MAGI1: variants seen among roughly 807,000 people sequenced by gnomAD.
The protein encoded by MAGI1 is membrane associated guanylate kinase, WW and PDZ domain containing 1, also known as membrane-associated guanylate kinase, WW and PDZ domain-containing protein 1.
A neutral mutation model predicts 139.9 loss-of-function variants in MAGI1; 58 were observed. That is an observed-to-expected ratio of 0.41 (90% confidence interval 0.34 to 0.52). MAGI1 has a LOEUF of 0.52. Ranked by LOEUF, MAGI1 falls within the 20% of genes least tolerant of loss-of-function variation. MAGI1 has a pLI of 0.12. For missense variants in MAGI1, 1,874 were observed against 1,901.6 expected (o/e 0.99, Z 0.27); for synonymous variants, 812 against 737.9 (o/e 1.10, Z -1.63).
At chr3:65,940,233 A>C (rs952535268) in intron 1 of MAGI1, among the ~76,000 whole-genome samples, 5 of 152,208 alleles carry the variant, frequency 3.3e-5, no homozygotes, top group African/African-American at 1.2e-4. Flanking sequence ...ATGGCTGCTC[A>C]AAGAATTTAC....
intron 2 of MAGI1, among the ~76,000 whole-genome samples, chr3:65,497,229 CAG>C (rs930663522): frequency 1.2e-4 from 19 of 152,078 alleles, no homozygotes; most frequent in African/African-American, 4.6e-4. Context: ...ATAAAATCTA[CAG>C]AGAGAGTTTA....
At chr3:65,677,216 T>C (rs1041769773) in intron 1 of MAGI1, among the ~76,000 whole-genome samples, 3 of 152,176 alleles carry the variant, frequency 2.0e-5, no homozygotes, top group Admixed American at 6.5e-5. Context: ...TTTTTAACTT[T>C]TCATTTTCTA....
At chr3:65,836,732 T>G (rs2042827402) in intron 1 of MAGI1, among the ~76,000 whole-genome samples, 1 of 151,854 alleles carries the variant, frequency 6.6e-6, no homozygotes, top group South Asian at 2.1e-4. Flanking sequence ...GGCAGAGAAC[T>G]GCTTGAACCC....
chr3:65,435,779 C>G (rs983213267), intron 10 of MAGI1, among the ~76,000 whole-genome samples: 1 of 152,046 alleles, frequency 6.6e-6, no homozygotes, highest in Admixed American at 6.6e-5. Context: ...CTGAGGTGAA[C>G]AGGAGTTAGC....
At chr3:66,010,895 T>C (rs7648741) in intron 1 of MAGI1, among the ~76,000 whole-genome samples, 65,105 of 152,034 alleles carry the variant, frequency 0.43, 15,999 homozygotes, top group East Asian at 0.76. Flanking sequence ...AGTGCCGTAG[T>C]GGGTACACAG....
intron 2 of MAGI1, among the ~76,000 whole-genome samples, chr3:65,497,390 A>G (rs182779278): frequency 4.1e-4 from 63 of 152,308 alleles, no homozygotes; most frequent in African/African-American, 1.4e-3. Context: ...CTTGGAGCCA[A>G]GTGAAAAAGC....
Position 65,979,088 on chromosome 3 carries a change from T to TCCCCCCCCCCCCCC in MAGI1, c.313+58907_313+58908insGGGGGGGGGGGGGG, listed in dbSNP as rs200894076. On this transcript the variant is annotated intron_variant, in intron 1 of 22. Coordinates refer to ENST00000402939, the MANE Select transcript of MAGI1 (RefSeq NM_001033057.2). ...AACAGCCAAAGTTTTTTTCTTTTCT[T>TCCCCCCCCCCCCCC]CCCCCCCCCCGCCACCCCCCACAGC... is the stretch of plus-strand genomic sequence containing the variant. 8.5e-4 allele frequency among the ~76,000 whole-genome samples: 45 copies of TCCCCCCCCCCCCCC among 52,980 alleles called. 1 individual carries two copies. Among genetic ancestry groups the TCCCCCCCCCCCCCC allele is most frequent in the Non-Finnish European group, 1.0e-3 (28 of 27,622 alleles). The allele number at this position is 52,980 out of a possible 152,430, so 34.8% of individuals were successfully genotyped here.
At chr3:65,362,238 A>G (rs1940942537) in intron 21 of MAGI1, among the ~76,000 whole-genome samples, 1 of 152,204 alleles carries the variant, frequency 6.6e-6, no homozygotes. Context: ...CAGGTAATAC[A>G]TGTAAACCTG....
intron 1 of MAGI1, among the ~76,000 whole-genome samples, chr3:66,023,242 GA>G (rs796199022): frequency 4.6e-5 from 7 of 152,252 alleles, no homozygotes; most frequent in African/African-American, 1.7e-4. Context: ...TATGGAAATG[GA>G]GGGGGAAAGG....
intron 1 of MAGI1, among the ~76,000 whole-genome samples, chr3:65,745,047 A>G (rs564812002): frequency 6.6e-6 from 1 of 152,174 alleles, no homozygotes; most frequent in Non-Finnish European, 1.5e-5. Context: ...TACAAGCAGA[A>G]TCATACAGTG....
chr3:65,709,519 T>G (rs574767977), intron 1 of MAGI1, among the ~76,000 whole-genome samples: 1 of 152,310 alleles, frequency 6.6e-6, no homozygotes, highest in African/African-American at 2.4e-5. Context: ...TAAACCTCTT[T>G]TAGGAACATC....
chr3:65,966,050 T>C (rs2064723947), intron 1 of MAGI1, among the ~76,000 whole-genome samples: 1 of 152,196 alleles, frequency 6.6e-6, no homozygotes, highest in Admixed American at 6.5e-5. Context: ...AACTGGAGTG[T>C]GGTTTGTCCT....
At chr3:65,899,707 C>G (rs889758909) in intron 1 of MAGI1, among the ~76,000 whole-genome samples, 2 of 152,178 alleles carry the variant, frequency 1.3e-5, no homozygotes, top group African/African-American at 4.8e-5. Context: ...TGTTAATTCT[C>G]CATACATATG....
intron 22 of MAGI1, among the ~76,000 whole-genome samples, chr3:65,357,445 G>A (rs1280433578): frequency 1.3e-5 from 2 of 151,962 alleles, no homozygotes; most frequent in Middle Eastern, 3.2e-3. Flanking sequence ...TCTGTCTAGA[G>A]GCATCAAAAT....
chr3:65,499,149 T>A (rs1467959231), intron 2 of MAGI1: 9 of 492,014 alleles, frequency 1.8e-5, no homozygotes, highest in African/African-American at 2.1e-5. Context: ...TTGATTCCTA[T>A]TGGCTGTGGT....
Position 65,391,174 on chromosome 3 carries a change from C to G in MAGI1, c.2384G>C (p.Trp795Ser), listed in dbSNP as rs1400151222. 1 of 1,614,172 alleles carries G rather than the reference C, an allele frequency of 6.2e-7. No individual in the cohort carries two copies. The highest frequency in any genetic ancestry group is 8.5e-7 in the Non-Finnish European group (1 of 1,180,040). ...GQKKPDPFKIWAQSRSMYENR... is the reference protein window; with the variant it reads ...GQKKPDPFKISAQSRSMYENR... ...TTCATACATGCTCCTGGACTGGGCCCAGATTTTAAAAGGATCTGGTTTTTT... is the reference window on the plus strand; with the variant it reads ...TTCATACATGCTCCTGGACTGGGCCGAGATTTTAAAAGGATCTGGTTTTTT... The change falls in exon 14 of 23, where the codon TGG (tryptophan) becomes TCG (serine). Residue 795 changes from tryptophan to serine, a missense_variant. Trp to Ser is a radical substitution (Grantham distance 177). Coordinates refer to ENST00000402939, the MANE Select transcript of MAGI1 (RefSeq NM_001033057.2).
chr3:65,947,972 C>T (rs1407319650), intron 1 of MAGI1, among the ~76,000 whole-genome samples: 3 of 136,724 alleles, frequency 2.2e-5, no homozygotes, highest in Non-Finnish European at 4.6e-5. Flanking sequence ...GACAGAGTCT[C>T]ACTCTGTCAC....
intron 2 of MAGI1, among the ~76,000 whole-genome samples, chr3:65,611,613 T>C (rs1465254866): frequency 7.9e-6 from 1 of 126,572 alleles, no homozygotes; most frequent in African/African-American, 2.9e-5. Flanking sequence ...ATATATACTA[T>C]ACTAGTATAT....
chr3:65,706,485 G>A (rs1226955970), intron 1 of MAGI1, among the ~76,000 whole-genome samples: 1 of 152,186 alleles, frequency 6.6e-6, no homozygotes, highest in Non-Finnish European at 1.5e-5. Context: ...AAGCACAGTG[G>A]TCTGAATGGG....
Sources: allele counts gnomAD v4.1 joint callset (sites outside exome capture counted in the v4.1 genomes callset), GRCh38; gene constraint gnomAD v4.1.1; transcripts MANE v1.5; gene names NCBI Gene and HGNC (gene_info 2026-07-23, HGNC 2026-07-21).